DDR2: variants seen among roughly 807,000 people sequenced by gnomAD.
The protein encoded by DDR2 is discoidin domain-containing receptor 2.
DDR2 carries 27 observed loss-of-function variants against 94.9 expected under a neutral mutation model. The observed-to-expected ratio is 0.28, with a 90% CI of 0.21 to 0.39. The LOEUF is 0.39. Ranked by LOEUF, DDR2 falls within the 10% of genes least tolerant of loss-of-function variation. The probability of loss-of-function intolerance (pLI) is 1.00; values close to 1 mark genes in which losing one functional copy is unlikely to be tolerated. For synonymous variants in DDR2, 382 were observed against 377.2 expected (o/e 1.01, Z -0.15); for missense variants, 783 against 1,076.0 (o/e 0.73, Z 3.81).
intron 3 of DDR2, among the ~76,000 whole-genome samples, chr1:162,730,729 C>T (rs1661998503): frequency 6.6e-6 from 1 of 152,166 alleles, no homozygotes; most frequent in African/African-American, 2.4e-5. Flanking sequence ...CTTTCCTCAC[C>T]AGGTCCTGAA....
chr1:162,669,986 C>T (rs1658754592), intron 2 of DDR2, among the ~76,000 whole-genome samples: 1 of 152,186 alleles, frequency 6.6e-6, no homozygotes, highest in African/African-American at 2.4e-5. Flanking sequence ...CTGCTATAGA[C>T]ATTATCAACT....
intron 1 of DDR2, among the ~76,000 whole-genome samples, chr1:162,642,545 C>A (rs908774716): frequency 1.3e-5 from 2 of 149,910 alleles, no homozygotes; most frequent in South Asian, 4.2e-4. Flanking sequence ...CCGCCTCAGC[C>A]TCCCAAAATG....
At chr1:162,682,434 G>C (rs975815628) in intron 2 of DDR2, among the ~76,000 whole-genome samples, 2 of 152,244 alleles carry the variant, frequency 1.3e-5, no homozygotes, top group Non-Finnish European at 1.5e-5. Context: ...CAGTGAACTG[G>C]AACTTTACTT....
At chr1:162,653,872 G>C (rs1657829617) in intron 1 of DDR2, among the ~76,000 whole-genome samples, 1 of 152,162 alleles carries the variant, frequency 6.6e-6, no homozygotes, top group East Asian at 1.9e-4. Flanking sequence ...GTTGTGCTGA[G>C]ATGTGTAGCA....
At chr1:162,751,588 G>A (rs1293488191) in intron 3 of DDR2, among the ~76,000 whole-genome samples, 2 of 152,220 alleles carry the variant, frequency 1.3e-5, no homozygotes, top group African/African-American at 2.4e-5. Context: ...AGACAGTGTG[G>A]CGATTCCTCA....
At chr1:162,735,765 TA>T (rs1558054391) in intron 3 of DDR2, among the ~76,000 whole-genome samples, 1 of 152,192 alleles carries the variant, frequency 6.6e-6, no homozygotes, top group Non-Finnish European at 1.5e-5. Flanking sequence ...AAATATAATT[TA>T]ACTGAAATGT....
At chr1:162,776,424 T>C in intron 16 of DDR2, 54 bp downstream of exon 16, 2 of 1,563,404 alleles carry the variant, frequency 1.3e-6, no homozygotes, top group African/African-American at 2.7e-5. Context: ...TGGGCTCACA[T>C]GCATGACACG....
At chr1:162,760,044 AG>A in intron 8 of DDR2, 65 bp downstream of exon 8, 1 of 1,609,340 alleles carries the variant, frequency 6.2e-7, no homozygotes, top group Non-Finnish European at 8.5e-7. Flanking sequence ...GGTAGAGAAA[AG>A]GCATGCTAGA....
chr1:162,718,280 T>C (rs1163671553), intron 2 of DDR2, among the ~76,000 whole-genome samples: 1 of 152,146 alleles, frequency 6.6e-6, no homozygotes, highest in Non-Finnish European at 1.5e-5. Context: ...GAATCAGCCA[T>C]TTTTCTGAGG....
rs773962307 is a variant in DDR2, at chr1:162,767,397, C to G, written c.1293+38C>G. The G allele has an allele frequency of 6.2e-6, 10 of 1,611,218 alleles. No homozygotes were observed. In the East Asian group the frequency reaches 2.2e-4, roughly 36 times the overall value. ...AGAATGGTCATGATATAAGAAACTG[C>G]TCCTTTCTTTCTTAAGCCACTGTTG... On this transcript the variant is annotated intron_variant, in intron 11 of 17. Transcript: ENST00000367921.
intron 2 of DDR2, among the ~76,000 whole-genome samples, chr1:162,656,833 G>GTTGTTTTTTTTTTTTTTTTTT (rs1657990644): frequency 1.5e-5 from 1 of 65,682 alleles, no homozygotes; most frequent in African/African-American, 4.9e-5. Context: ...TGCCACTGGA[G>GTTGTTTTTTTTTTTTTTTTTT]TTTTTTTTTT....
intron 1 of DDR2, among the ~76,000 whole-genome samples, chr1:162,636,059 CT>C (rs1656800247): frequency 6.6e-6 from 1 of 152,166 alleles, no homozygotes; most frequent in Admixed American, 6.5e-5. Context: ...ATTTTTCTCT[CT>C]TTTAATTATA....
At chr1:162,765,160 CTTA>C (rs1558073753) in intron 9 of DDR2, among the ~76,000 whole-genome samples, 1 of 152,140 alleles carries the variant, frequency 6.6e-6, no homozygotes, top group African/African-American at 2.4e-5. Context: ...AACTGGTACA[CTTA>C]TTATAGCTAA....
At position 162,780,493 on chromosome 1, in the gene DDR2, G is replaced by T; in HGVS notation, c.*247G>T. The T allele has an allele frequency of 2.1e-6, 1 of 468,944 alleles. No individual in the cohort carries two copies. The highest frequency in any genetic ancestry group is 3.7e-6 in the Non-Finnish European group (1 of 267,906). The allele number at this position is 468,944 out of a possible 1,614,324, so 29.0% of individuals were successfully genotyped here. A position where few individuals can be genotyped will look rare whatever the true frequency, so the allele number is the denominator to read the frequency against. On this transcript the variant is annotated 3_prime_UTR_variant, in exon 18 of 18. Coordinates refer to ENST00000367921, the MANE Select transcript of DDR2 (RefSeq NM_006182.4). ...CTAGGGCAGATACAATCTAGTAAAA[G>T]AAAATCTTTGATATACCAAAGTGTT...
chr1:162,721,646 C>T (rs1012849369), intron 3 of DDR2, among the ~76,000 whole-genome samples: 1 of 152,166 alleles, frequency 6.6e-6, no homozygotes, highest in Non-Finnish European at 1.5e-5. Flanking sequence ...TTACTGGTGT[C>T]AACTGAAAGA....
At chr1:162,720,387 C>T (rs750887609) in intron 3 of DDR2, among the ~76,000 whole-genome samples, 55 of 152,164 alleles carry the variant, frequency 3.6e-4, no homozygotes, top group Non-Finnish European at 6.5e-4. Flanking sequence ...CATTTTTGTA[C>T]TTTATATAAA....
chr1:162,694,163 T>A (rs2101981879), intron 2 of DDR2, among the ~76,000 whole-genome samples: 1 of 152,308 alleles, frequency 6.6e-6, no homozygotes, highest in East Asian at 1.9e-4. Context: ...AACTCTGCCT[T>A]CCCGTTTCCA....
chr1:162,734,960 T>C (rs77260328), intron 3 of DDR2, among the ~76,000 whole-genome samples: 3,031 of 152,232 alleles, frequency 0.02, 81 homozygotes, highest in African/African-American at 0.059. Context: ...GGCATTATAG[T>C]GGCTCAGATG....
At chr1:162,687,806 C>G (rs1396880027) in intron 2 of DDR2, among the ~76,000 whole-genome samples, 1 of 152,130 alleles carries the variant, frequency 6.6e-6, no homozygotes, top group Non-Finnish European at 1.5e-5. Flanking sequence ...AGTTACATAC[C>G]TGGTCCTGCA....
Sources: gnomAD v4.1 joint callset for allele counts (sites outside exome capture counted in the v4.1 genomes callset) on GRCh38, gnomAD v4.1.1 for gene constraint, MANE v1.5 for transcripts, NCBI Gene and HGNC (gene_info 2026-07-23, HGNC 2026-07-21) for gene names.